CSMD1: variants seen among roughly 807,000 people sequenced by gnomAD.
CSMD1 encodes CUB and Sushi multiple domains 1, also known as CUB and sushi domain-containing protein 1.
A neutral mutation model predicts 417.5 loss-of-function variants in CSMD1; 213 were observed. That is an observed-to-expected ratio of 0.51 (90% CI 0.46 to 0.57). The LOEUF is 0.57. CSMD1 is among the 20% of genes least tolerant of loss of function. CSMD1 has a pLI of 0.00. For synonymous variants in CSMD1, 2,862 were observed against 1,736.8 expected, an observed-to-expected ratio of 1.65 and a Z score of -16.11; for missense variants, 6,923 against 4,529.7, an observed-to-expected ratio of 1.53 and a Z score of -15.17.
chr8:3,393,879 A>G (rs1240547110), intron 17 of CSMD1, among the ~76,000 whole-genome samples: 1 of 150,804 alleles, frequency 6.6e-6, no homozygotes, highest in Non-Finnish European at 1.5e-5. Context: ...TAGGAGATAT[A>G]CCTAATGTAA....
chr8:3,045,078 A>T (rs11136563), intron 50 of CSMD1, among the ~76,000 whole-genome samples: 14,590 of 152,268 alleles, frequency 0.096, 692 homozygotes, highest in African/African-American at 0.11. Flanking sequence ...AATTTTAACA[A>T]AACAGCCACA....
At chr8:3,215,532 C>A (rs528905511) in intron 29 of CSMD1, among the ~76,000 whole-genome samples, 2 of 152,324 alleles carry the variant, frequency 1.3e-5, no homozygotes, top group East Asian at 3.9e-4. Flanking sequence ...ACAAAGACCC[C>A]CTGCAGAGAC....
At chr8:3,731,556 C>A (rs539975472) in intron 6 of CSMD1, among the ~76,000 whole-genome samples, 59 of 152,216 alleles carry the variant, frequency 3.9e-4, no homozygotes, top group Admixed American at 9.2e-4. Flanking sequence ...GATTTGATTC[C>A]ACCCGTGAAG....
chr8:3,395,426 G>T (rs1030763629), intron 17 of CSMD1, among the ~76,000 whole-genome samples: 1 of 152,072 alleles, frequency 6.6e-6, no homozygotes, highest in Non-Finnish European at 1.5e-5. Flanking sequence ...ATTCCTAGGG[G>T]TGATTCCCAT....
intron 37 of CSMD1, among the ~76,000 whole-genome samples, chr8:3,167,175 C>A (rs1820277682): frequency 1.3e-5 from 2 of 151,162 alleles, no homozygotes; most frequent in Admixed American, 1.3e-4. Flanking sequence ...ATCGCAGGTA[C>A]TTGGGAGGCT....
chr8:3,482,469 T>C (rs942023755), intron 11 of CSMD1, among the ~76,000 whole-genome samples: 7 of 152,176 alleles, frequency 4.6e-5, no homozygotes, highest in African/African-American at 9.7e-5. Context: ...ACCAGAAATA[T>C]GTAACACTCC....
At chr8:3,762,984 T>C (rs1311890203) in intron 5 of CSMD1, among the ~76,000 whole-genome samples, 2 of 152,188 alleles carry the variant, frequency 1.3e-5, no homozygotes, top group Admixed American at 6.5e-5. Flanking sequence ...ACCATGACAT[T>C]TGGTGTAGTC....
At chr8:4,721,203 A>G (rs748442188) in intron 1 of CSMD1, among the ~76,000 whole-genome samples, 4 of 152,270 alleles carry the variant, frequency 2.6e-5, no homozygotes, top group Middle Eastern at 6.8e-3. Flanking sequence ...GTCCCTATCC[A>G]TGTAATTTAC....
intron 1 of CSMD1, among the ~76,000 whole-genome samples, chr8:4,717,689 G>C (rs1274110835): frequency 3.9e-5 from 6 of 151,914 alleles, no homozygotes; most frequent in Non-Finnish European, 7.4e-5. Flanking sequence ...TGATTCCGAA[G>C]AGGCTGGGTA....
At chr8:4,241,305 C>A (rs947386020) in intron 3 of CSMD1, among the ~76,000 whole-genome samples, 2 of 152,190 alleles carry the variant, frequency 1.3e-5, no homozygotes, top group African/African-American at 4.8e-5. Context: ...CCTGCTGTAA[C>A]CCCCTGGAAC....
chr8:3,381,002 G>T (rs573989313), intron 18 of CSMD1, among the ~76,000 whole-genome samples: 35 of 152,216 alleles, frequency 2.3e-4, no homozygotes, highest in African/African-American at 8.2e-4. Flanking sequence ...TGAGAAGGTT[G>T]TTTTGAGAAA....
intron 1 of CSMD1, among the ~76,000 whole-genome samples, chr8:4,720,543 G>A (rs1808985632): frequency 6.6e-6 from 1 of 151,994 alleles, no homozygotes; most frequent in South Asian, 2.1e-4. Flanking sequence ...TCAGCCCCCT[G>A]AATAGCTGAG....
At chr8:3,979,077 C>T (rs1040936787) in intron 5 of CSMD1, among the ~76,000 whole-genome samples, 13 of 152,312 alleles carry the variant, frequency 8.5e-5, no homozygotes, top group South Asian at 4.1e-4. Flanking sequence ...ATGTGCACAG[C>T]GACCTTTGAA....
intron 2 of CSMD1, among the ~76,000 whole-genome samples, chr8:4,447,257 G>T (rs1041047336): frequency 4.6e-5 from 7 of 152,142 alleles, no homozygotes; most frequent in African/African-American, 1.4e-4. Context: ...GTTATAGCAG[G>T]TTAGATACAA....
chr8:4,992,597 C>A (rs1811530660), intron 1 of CSMD1, among the ~76,000 whole-genome samples: 3 of 152,218 alleles, frequency 2.0e-5, no homozygotes, highest in Admixed American at 2.0e-4. Context: ...CCCGCTGCGA[C>A]ACACACGCCC....
At chr8:3,223,922 C>T in intron 27 of CSMD1, 55 bp from the exon 28 acceptor site, 2 of 1,583,578 alleles carry the variant, frequency 1.3e-6, no homozygotes, top group South Asian at 1.1e-5. Context: ...GAACGCCTGC[C>T]AGTCAGTGTG....
intron 12 of CSMD1, among the ~76,000 whole-genome samples, chr8:3,452,437 G>A (rs565776608): frequency 3.1e-4 from 47 of 152,260 alleles, no homozygotes; most frequent in African/African-American, 1.1e-3. Flanking sequence ...CCTTCAGTAT[G>A]ATATTGGCTG....
At chr8:3,779,497 T>G (rs1016526793) in intron 5 of CSMD1, among the ~76,000 whole-genome samples, 6 of 152,306 alleles carry the variant, frequency 3.9e-5, no homozygotes, top group African/African-American at 1.4e-4. Context: ...ATTCACTGAT[T>G]TCATCAAATA....
chr8:3,281,776 A>G (rs988617024), intron 26 of CSMD1, among the ~76,000 whole-genome samples: 1 of 152,116 alleles, frequency 6.6e-6, no homozygotes, highest in Non-Finnish European at 1.5e-5. Flanking sequence ...ACTCATTGAT[A>G]TGGTTTGGAT....
Sources: allele counts gnomAD v4.1 joint callset (sites outside exome capture counted in the v4.1 genomes callset), GRCh38; gene constraint gnomAD v4.1.1; transcripts MANE v1.5; gene names NCBI Gene and HGNC (gene_info 2026-07-23, HGNC 2026-07-21).